The following RPL17 variants were observed in gnomAD, a reference collection of about 807,000 sequenced individuals.
RPL17 encodes the protein large ribosomal subunit protein uL22.
In RPL17, 2 loss-of-function variants were observed where a neutral mutation model predicts 27.7. The observed-to-expected ratio is 0.07, with a 90% CI of 0.03 to 0.23. The LOEUF (loss-of-function observed/expected upper bound fraction) is 0.23, where lower values mean the gene tolerates loss of function less well. RPL17 is among the 10% of genes least tolerant of loss of function. The pLI is 1.00. For synonymous variants in RPL17, 76 were observed against 75.5 expected (o/e 1.01, Z -0.03); for missense variants, 141 against 238.8 (o/e 0.59, Z 2.70).
rs1210326789 is a variant in RPL17 at position 49,490,884 on chromosome 18, C to T, written c.125G>A (p.Arg42Gln). Residue 42 changes from arginine to glutamine, a missense_variant, in exon 4 of 7, where the codon CGA becomes CAA. Physicochemically the swap from Arg to Gln is conservative, Grantham distance 43 (BLOSUM62 1). Coordinates refer to ENST00000580261, the MANE Select transcript of RPL17 (RefSeq NM_001035006.5). ...TAQAIKGMHI[R>Q]KATKYLKDVT... Reference sequence around the variant, plus strand: ...ATCTTTCAGATACTTCGTGGCTTTTCGTATATGCATACCCTTGATGGCCTG... The same window carrying T: ...ATCTTTCAGATACTTCGTGGCTTTTTGTATATGCATACCCTTGATGGCCTG... 1 of 1,613,876 alleles carries T rather than the reference C, an allele frequency of 6.2e-7. No individual in the cohort carries two copies. Among genetic ancestry groups the T allele is most frequent in the Non-Finnish European group, 8.5e-7 (1 of 1,179,914 alleles).
intron 1 of RPL17, 21 bp from the exon 2 acceptor site, chr18:49,491,605 A>C: frequency 1.2e-6 from 2 of 1,613,812 alleles, no homozygotes; most frequent in Non-Finnish European, 1.7e-6. Flanking sequence ...GTACAGTGTA[A>C]TTCTGTCAAT....
intron 3 of RPL17, 124 bp downstream of exon 3, chr18:49,491,281 T>C: frequency 7.0e-7 from 1 of 1,425,174 alleles, no homozygotes; most frequent in East Asian, 2.3e-5. Flanking sequence ...AAATATAAGG[T>C]GGCTGCTCAG....
chr18:49,491,078 AGG>A, intron 3 of RPL17, 151 bp from the exon 4 acceptor site: 1 of 1,290,904 alleles, frequency 7.7e-7, no homozygotes. Context: ...ACTAAAAGCC[AGG>A]TAAACTTCGT....
chr18:49,492,368 CG>C, intron 1 of RPL17, 89 bp downstream of exon 1: 1 of 152,560 alleles, frequency 6.6e-6, no homozygotes, highest in Non-Finnish European at 1.5e-5. Flanking sequence ...GTTCTCCTCC[CG>C]GGGGCCTGGA....
At chr18:49,490,669 A>G (rs2084003956) in intron 4 of RPL17, 117 bp from the exon 5 acceptor site, 43 of 1,586,940 alleles carry the variant, frequency 2.7e-5, no homozygotes, top group Non-Finnish European at 3.5e-5. Flanking sequence ...CCATCAATCC[A>G]AGGTGTCCTG....
At chr18:49,491,493 C>A in intron 2 of RPL17, 39 bp downstream of exon 2, 1 of 1,614,098 alleles carries the variant, frequency 6.2e-7, no homozygotes, top group Non-Finnish European at 8.5e-7. Context: ...TATGCCAAGC[C>A]CCAAGTAGGA....
intron 1 of RPL17, 119 bp from the exon 2 acceptor site, chr18:49,491,703 G>A (rs1361031555): frequency 7.7e-7 from 1 of 1,306,914 alleles, no homozygotes; most frequent in African/African-American, 1.5e-5. Flanking sequence ...TAATCCAAAG[G>A]TGTCCTAAGA....
intron 1 of RPL17, 45 bp from the exon 2 acceptor site, chr18:49,491,629 A>C (rs1331913882): frequency 1.3e-6 from 2 of 1,599,356 alleles, no homozygotes; most frequent in Non-Finnish European, 1.7e-6. Flanking sequence ...TACTTACAGT[A>C]ACTCATTCAG....
intron 1 of RPL17, chr18:49,491,801 G>C: frequency 1.3e-6 from 1 of 755,234 alleles, no homozygotes; most frequent in Non-Finnish European, 2.4e-6. Flanking sequence ...TTCCACAGAA[G>C]TAGCCACACG....
chr18:49,490,736 A>G, intron 4 of RPL17, 57 bp downstream of exon 4: 1 of 1,611,878 alleles, frequency 6.2e-7, no homozygotes, highest in Non-Finnish European at 8.5e-7. Flanking sequence ...TTCTTATCCT[A>G]TCCCATCACT....
At chr18:49,489,242 A>AT in intron 6 of RPL17, 117 bp downstream of exon 6, 1 of 1,133,742 alleles carries the variant, frequency 8.8e-7, no homozygotes, top group Non-Finnish European at 1.3e-6. Flanking sequence ...GACAGGTGAA[A>AT]GGGTTGCTCA....
At chr18:49,491,617 C>G (rs750968094) in intron 1 of RPL17, 33 bp from the exon 2 acceptor site, 39 of 1,609,942 alleles carry the variant, frequency 2.4e-5, no homozygotes, top group Admixed American at 1.7e-5. Flanking sequence ...TCTGTCAATA[C>G]GTACTTACAG....
At chr18:49,491,739 C>G (rs375086337) in intron 1 of RPL17, 155 bp from the exon 2 acceptor site, 149 of 1,001,220 alleles carry the variant, frequency 1.5e-4, no homozygotes, top group Middle Eastern at 2.7e-4. Context: ...GCCATACTTT[C>G]CCCCACCAAG....
intron 4 of RPL17, 32 bp from the exon 5 acceptor site, chr18:49,490,584 C>T (rs2083995565): frequency 6.2e-7 from 1 of 1,613,204 alleles, no homozygotes; most frequent in South Asian, 1.1e-5. Flanking sequence ...GAGTCATTTT[C>T]CTTGATTTAA....
chr18:49,490,986 A>C, intron 3 of RPL17, 59 bp from the exon 4 acceptor site: 1 of 1,598,780 alleles, frequency 6.3e-7, no homozygotes, highest in Non-Finnish European at 8.5e-7. Context: ...TTTAAAGTAA[A>C]CGTTAAATTT....
chr18:49,491,811 G>T (rs566464503), intron 1 of RPL17: 4 of 742,352 alleles, frequency 5.4e-6, no homozygotes, highest in African/African-American at 5.1e-5. Flanking sequence ...GTAGCCACAC[G>T]GGCCTCACCA....
In RPL17 at chr18:49,489,359, CT is replaced by C; in HGVS notation, c.506del (p.Lys169ArgfsTer7). On this transcript the variant is annotated frameshift_variant and splice_region_variant, in exon 6 of 7. Coordinates refer to ENST00000580261, the MANE Select transcript of RPL17 (RefSeq NM_001035006.5). LOFTEE classifies it high-confidence loss of function. The stretch of plus-strand genomic sequence containing the variant: ...CAAAACCGAGCAACTACTTATTTAC[CT>C]TTTTCTTCTGGGCAACCTCCTCTTC... ...KPEEEVAQKK[K>X]ISQKKLKKQK... is the part of the protein sequence containing the mutation. 1 of 1,613,732 alleles carries C rather than the reference CT, an allele frequency of 6.2e-7. No individual in the cohort carries two copies. Among genetic ancestry groups the C allele is most frequent in the Non-Finnish European group, 8.5e-7 (1 of 1,179,828 alleles).
chr18:49,490,325 T>G, intron 5 of RPL17, 129 bp downstream of exon 5: 1 of 967,872 alleles, frequency 1.0e-6, no homozygotes, highest in Non-Finnish European at 1.5e-6. Flanking sequence ...CTGTGGAAAC[T>G]GCAGGTAGAA....
Position 49,490,526 on chromosome 18 carries a change from A to C in RPL17, c.243T>G (p.Gly81=), listed in dbSNP as rs372372087. The C allele has an allele frequency of 1.3e-5, 21 of 1,614,022 alleles. No individual in the cohort carries two copies. The African/African-American group carries it at 2.5e-4, about 19-fold the overall frequency. ...AQAKQWGWTQ[G]RWPKKSAEFL... is the part of the protein sequence containing the mutation. ...ATTCAGCACTCTTTTTGGGCCACCG[A>C]CCTTGTGTCCAGCCCCATTGCTTGG... The change falls in exon 5 of 7, where the codon GGT becomes GGG. Residue 81 remains glycine, a synonymous_variant. Coordinates refer to ENST00000580261, the MANE Select transcript of RPL17 (RefSeq NM_001035006.5).
Sources: gnomAD v4.1 joint callset for allele counts on GRCh38, gnomAD v4.1.1 for gene constraint, MANE v1.5 for transcripts, NCBI Gene and HGNC (gene_info 2026-07-23, HGNC 2026-07-21) for gene names.